Variants in ARID1B observed in about 807,000 individuals in gnomAD.
ARID1B encodes AT-rich interaction domain 1B, also known as AT-rich interactive domain-containing protein 1B.
In ARID1B, 30 loss-of-function variants were observed where a neutral mutation model predicts 212.3. The observed-to-expected ratio is 0.14, with a 90% confidence interval of 0.11 to 0.19. The LOEUF (loss-of-function observed/expected upper bound fraction) is 0.19. ARID1B is among the 10% of genes least tolerant of loss of function. The pLI, the probability that ARID1B is intolerant of heterozygous loss-of-function variation, is 1.00. For missense variants in ARID1B, 2,891 were observed against 3,204.0 expected (o/e 0.90, Z 2.36); for synonymous variants, 1,402 against 1,301.7 (o/e 1.08, Z -1.66).
rs1794662062 is a variant in ARID1B, at chr6:157,209,203, T to C, written c.*1312T>C. On this transcript the variant is annotated 3_prime_UTR_variant, in exon 20 of 20. Transcript: ENST00000636930. Reference sequence around the variant, plus strand: ...GGCTTAATGAATATCATTTATTCAGTATAAAATCTTTATATGTTCCACATG... The same window carrying C: ...GGCTTAATGAATATCATTTATTCAGCATAAAATCTTTATATGTTCCACATG... The C allele has an allele frequency of 4.3e-6, 1 of 230,682 alleles. No homozygotes were observed. The highest frequency in any genetic ancestry group is 8.6e-6 in the Non-Finnish European group (1 of 116,284). 14.3% of individuals were successfully genotyped at this position (230,682 alleles called of 1,614,324 possible).
At chr6:156,904,350 A>G (rs1789190309) in intron 3 of ARID1B, among the ~76,000 whole-genome samples, 1 of 152,238 alleles carries the variant, frequency 6.6e-6, no homozygotes, top group Non-Finnish European at 1.5e-5. Flanking sequence ...GCTTCATTAC[A>G]TTTTATGGAC....
intron 6 of ARID1B, among the ~76,000 whole-genome samples, chr6:157,114,470 G>A (rs1343234738): frequency 1.5e-5 from 2 of 135,748 alleles, no homozygotes; most frequent in Non-Finnish European, 3.0e-5. Context: ...GTTGCCGTGA[G>A]CTGAGATCAC....
At chr6:157,044,085 A>G (rs941921625) in intron 4 of ARID1B, among the ~76,000 whole-genome samples, 2 of 152,214 alleles carry the variant, frequency 1.3e-5, no homozygotes, top group Non-Finnish European at 2.9e-5. Context: ...AAAATCCAAG[A>G]AGAGATGCAA....
At chr6:157,035,258 ATAAT>A (rs1781259659) in intron 4 of ARID1B, among the ~76,000 whole-genome samples, 1 of 152,272 alleles carries the variant, frequency 6.6e-6, no homozygotes, top group African/African-American at 2.4e-5. Context: ...TATTTTAAAA[ATAAT>A]TCTATTTGTG....
At chr6:156,990,025 C>G (rs1278047135) in intron 4 of ARID1B, among the ~76,000 whole-genome samples, 1 of 152,058 alleles carries the variant, frequency 6.6e-6, no homozygotes, top group Non-Finnish European at 1.5e-5. Flanking sequence ...GTATTTAATT[C>G]AGTGAATACT....
At chr6:157,117,485 T>G (rs551007384) in intron 6 of ARID1B, among the ~76,000 whole-genome samples, 1 of 152,318 alleles carries the variant, frequency 6.6e-6, no homozygotes, top group African/African-American at 2.4e-5. Context: ...GGGCACATCT[T>G]TCTCTTACCT....
chr6:157,155,525 A>C (rs1202034680), intron 8 of ARID1B, among the ~76,000 whole-genome samples: 1 of 152,040 alleles, frequency 6.6e-6, no homozygotes, highest in Non-Finnish European at 1.5e-5. Context: ...AAGTCTTGTT[A>C]CTCTTGACTA....
chr6:157,026,340 A>G (rs1450294070), intron 4 of ARID1B, among the ~76,000 whole-genome samples: 2 of 152,218 alleles, frequency 1.3e-5, no homozygotes, highest in Non-Finnish European at 2.9e-5. Flanking sequence ...CGTCTTTTCC[A>G]TGTTCAGGTA....
At chr6:156,994,737 A>G (rs1424677033) in intron 4 of ARID1B, among the ~76,000 whole-genome samples, 1 of 152,202 alleles carries the variant, frequency 6.6e-6, no homozygotes, top group Non-Finnish European at 1.5e-5. Flanking sequence ...GTCCAAGACC[A>G]GACAGAAGAC....
At chr6:157,066,220 T>A (rs1783668970) in intron 4 of ARID1B, among the ~76,000 whole-genome samples, 1 of 152,246 alleles carries the variant, frequency 6.6e-6, no homozygotes. Context: ...ATATAGTAAC[T>A]AAAAGAAATT....
In ARID1B at chr6:156,777,731, G is replaced by A. The variant is rs1249251292; in HGVS notation, c.51G>A (p.Arg17=). 4.7e-6 allele frequency: 1 copy of A among 212,846 alleles called. No homozygotes were observed. Among genetic ancestry groups the A allele is most frequent in the Non-Finnish European group, 7.8e-6 (1 of 128,422 alleles). 13.2% of individuals were successfully genotyped at this position (212,846 alleles called of 1,614,324 possible). ...AAAAAAAARA[R]ARAGSGERRA... Reference sequence around the variant, plus strand: ...CGGCGGCGGCGGCGGCGCGGGCGCGGGCGCGGGCAGGCAGCGGCGAACGGC... The same window carrying A: ...CGGCGGCGGCGGCGGCGCGGGCGCGAGCGCGGGCAGGCAGCGGCGAACGGC... Residue 17 remains arginine (R), a synonymous_variant, in exon 1 of 20, where the codon CGG becomes CGA. Transcript: ENST00000636930.
At chr6:156,988,816 G>T (rs192694662) in intron 4 of ARID1B, among the ~76,000 whole-genome samples, 7 of 152,196 alleles carry the variant, frequency 4.6e-5, no homozygotes, top group African/African-American at 1.7e-4. Flanking sequence ...TGCACCTGGA[G>T]CTTTTGTTAT....
chr6:157,016,986 A>G, intron 4 of ARID1B, among the ~76,000 whole-genome samples: 1 of 152,232 alleles, frequency 6.6e-6, no homozygotes, highest in East Asian at 1.9e-4. Flanking sequence ...AAAGGTTGAA[A>G]TGATAAAATT....
chr6:156,921,363 T>C (rs1159345743), intron 3 of ARID1B, among the ~76,000 whole-genome samples: 1 of 152,068 alleles, frequency 6.6e-6, no homozygotes, highest in Non-Finnish European at 1.5e-5. Context: ...GAGTCATCTT[T>C]ATGTTTTTTC....
chr6:156,778,090 G>T lies in ARID1B; in HGVS notation c.410G>T (p.Gly137Val). 6.5e-7 allele frequency: 1 copy of T among 1,540,076 alleles called. No homozygotes were observed. Residue 137 changes from glycine to valine, a missense_variant, in exon 1 of 20, where the codon GGC (glycine) becomes GTC (valine). Around this residue, in one of 7 missense-constraint regions of ARID1B, gnomAD observed 1,643 missense variants for 1,544.0 expected, o/e 1.06. Coordinates refer to ENST00000636930, the MANE Select transcript of ARID1B (RefSeq NM_001374828.1). Reference sequence around the variant, plus strand: ...GCGGCATCCTCTTCCTCCTCGTCGGGCCCGGGCTCGGCCATGGAGACGGGG... The same window carrying T: ...GCGGCATCCTCTTCCTCCTCGTCGGTCCCGGGCTCGGCCATGGAGACGGGG... The part of the protein sequence containing the change: ...AAAASSSSSS[G>V]PGSAMETGLL...
chr6:156,787,919 T>C (rs1247077373), intron 1 of ARID1B, among the ~76,000 whole-genome samples: 1 of 152,156 alleles, frequency 6.6e-6, no homozygotes, highest in East Asian at 1.9e-4. Flanking sequence ...TTTCCTTACC[T>C]GGAATGTTGG....
chr6:156,970,058 T>C (rs1025679417), intron 4 of ARID1B, among the ~76,000 whole-genome samples: 2 of 151,302 alleles, frequency 1.3e-5, no homozygotes, highest in Non-Finnish European at 2.9e-5. Context: ...TTTGTTTTTT[T>C]TGTGTGTTTT....
intron 2 of ARID1B, among the ~76,000 whole-genome samples, chr6:156,862,736 T>A (rs1785420044): frequency 1.3e-5 from 2 of 152,114 alleles, no homozygotes; most frequent in South Asian, 4.1e-4. Flanking sequence ...TGTCTTGTTG[T>A]GTGGGAGCCA....
At chr6:156,905,032 G>A (rs913939721) in intron 3 of ARID1B, among the ~76,000 whole-genome samples, 1 of 152,028 alleles carries the variant, frequency 6.6e-6, no homozygotes, top group African/African-American at 2.4e-5. Context: ...GTTGTCTTGT[G>A]TATTTAAAGG....
Sources: gnomAD v4.1 joint callset for allele counts (sites outside exome capture counted in the v4.1 genomes callset) on GRCh38, gnomAD v4.1.1 for gene constraint, gnomAD v4.1.1 regional missense constraint, MANE v1.5 for transcripts, NCBI Gene and HGNC (gene_info 2026-07-23, HGNC 2026-07-21) for gene names.